Variants in CSMD2 observed in about 807,000 individuals in gnomAD.
The protein encoded by CSMD2 is CUB and Sushi multiple domains 2.
Under a neutral mutation model 398.5 loss-of-function variants are expected in CSMD2, and 130 were observed. The observed-to-expected ratio is 0.33, with a 90% CI of 0.28 to 0.38. The LOEUF is 0.38. CSMD2 is among the 10% of genes least tolerant of loss of function. CSMD2 has a pLI of 1.00. For synonymous variants in CSMD2, 1,828 were observed against 1,908.5 expected (o/e 0.96, Z 1.10); for missense variants, 3,829 against 4,764.9 (o/e 0.80, Z 5.78).
At chr1:34,026,838 T>G (rs369070651) in intron 3 of CSMD2, among the ~76,000 whole-genome samples, 3 of 152,084 alleles carry the variant, frequency 2.0e-5, no homozygotes, top group Non-Finnish European at 4.4e-5. Context: ...GTGGGGAAGA[T>G]GCAGGCTTCC....
chr1:34,147,109 T>A (rs1178843188), intron 1 of CSMD2, among the ~76,000 whole-genome samples: 2 of 151,750 alleles, frequency 1.3e-5, no homozygotes, highest in East Asian at 3.9e-4. Context: ...TACAAAAAAA[T>A]TAGCTGGGCA....
At chr1:33,885,841 T>A (rs1035323699) in intron 5 of CSMD2, among the ~76,000 whole-genome samples, 1 of 152,180 alleles carries the variant, frequency 6.6e-6, no homozygotes, top group South Asian at 2.1e-4. Context: ...GTTAAGAGCA[T>A]GGGCTTGGGA....
rs145554371 is a variant in CSMD2, at chr1:33,720,634, G to A, written c.3001+3563C>T. Reference sequence around the variant, plus strand: ...TTTTGTGTAGCTAGAACTTAGTTTAGAGGGCTCAGAATGAGGCTGAGACAG... The same window carrying A: ...TTTTGTGTAGCTAGAACTTAGTTTAAAGGGCTCAGAATGAGGCTGAGACAG... On this transcript the variant is annotated intron_variant, in intron 19 of 70. Coordinates refer to ENST00000373381, the MANE Select transcript of CSMD2 (RefSeq NM_001281956.2). Among the ~76,000 whole-genome samples, 116 of 152,358 alleles carry A rather than the reference G, an allele frequency of 7.6e-4. 1 individual carries two copies. Among genetic ancestry groups the A allele is most frequent in the African/African-American group, 2.6e-3 (110 of 41,586 alleles).
intron 12 of CSMD2, among the ~76,000 whole-genome samples, chr1:33,775,890 A>G (rs1443776237): frequency 6.6e-6 from 1 of 152,232 alleles, no homozygotes; most frequent in Non-Finnish European, 1.5e-5. Flanking sequence ...GAGTGGGGTC[A>G]CAGGAGCTTA....
At chr1:33,960,233 C>T (rs1481255332) in intron 3 of CSMD2, among the ~76,000 whole-genome samples, 1 of 152,160 alleles carries the variant, frequency 6.6e-6, no homozygotes, top group Non-Finnish European at 1.5e-5. Context: ...AGAGGCCCAC[C>T]CCCATGGGAT....
rs755317431 is a variant in CSMD2, at chr1:33,864,539, G to C, written c.921-17543C>G. On this transcript the variant is annotated intron_variant, in intron 5 of 70. Transcript: ENST00000373381. ...ATGCTCAGCTGAAGAGGGAGAACCCGAACTGGTCGGTGGTGCAGGTGGCCA... is the reference window on the plus strand; with the variant it reads ...ATGCTCAGCTGAAGAGGGAGAACCCCAACTGGTCGGTGGTGCAGGTGGCCA... The C allele has an allele frequency of 3.1e-6, 5 of 1,613,946 alleles. No individual in the cohort carries two copies. The African/African-American group carries it at 5.3e-5, about 17-fold the overall frequency.
chr1:33,891,923 T>C (rs1203377424), intron 5 of CSMD2, among the ~76,000 whole-genome samples: 1 of 134,502 alleles, frequency 7.4e-6, no homozygotes, highest in African/African-American at 2.7e-5. Context: ...GGGGGAGGGA[T>C]AGCATTAGGA....
chr1:33,583,382 C>T (rs562706323), intron 47 of CSMD2, among the ~76,000 whole-genome samples: 1 of 152,324 alleles, frequency 6.6e-6, no homozygotes, highest in Non-Finnish European at 1.5e-5. Context: ...TATCTGCTGA[C>T]ATGAACAGGA....
intron 6 of CSMD2, 103 bp from the exon 7 acceptor site, chr1:33,825,877 G>A (rs892817778): frequency 1.1e-6 from 1 of 918,876 alleles, no homozygotes; most frequent in African/African-American, 1.7e-5. Context: ...ACATTCCATG[G>A]TGGGTCAAAG....
chr1:33,789,001 C>T (rs1016612749), intron 11 of CSMD2, among the ~76,000 whole-genome samples: 5 of 152,172 alleles, frequency 3.3e-5, no homozygotes, highest in African/African-American at 7.2e-5. Flanking sequence ...TCCTTACTTG[C>T]TCAGGGGACA....
intron 15 of CSMD2, among the ~76,000 whole-genome samples, chr1:33,733,594 G>A (rs557275887): frequency 1.8e-4 from 27 of 152,216 alleles, no homozygotes; most frequent in African/African-American, 5.5e-4. Flanking sequence ...TAATCCCTGC[G>A]TGTCAAGGGC....
intron 40 of CSMD2, among the ~76,000 whole-genome samples, 195 bp from the exon 41 acceptor site, chr1:33,611,445 A>G (rs1277332039): frequency 6.6e-6 from 1 of 152,220 alleles, no homozygotes; most frequent in Admixed American, 6.5e-5. Context: ...TGAACTTAAA[A>G]GTGTATTATT....
chr1:33,741,717 T>C (rs1647074319), intron 14 of CSMD2, among the ~76,000 whole-genome samples: 1 of 152,088 alleles, frequency 6.6e-6, no homozygotes, highest in African/African-American at 2.4e-5. Context: ...TGGAAAGAAA[T>C]ACAAGTAAGA....
rs1274017728 is a variant in CSMD2, at chr1:33,557,854, T to C, written c.8623A>G (p.Arg2875Gly). Residue 2875 changes from arginine to glycine, a missense_variant, in exon 55 of 71, where the codon AGG becomes GGG. Coordinates refer to ENST00000373381, the MANE Select transcript of CSMD2 (RefSeq NM_001281956.2). ...VRQVHASGPH[R>G]FSFGTTVSYR... ...GACACAGTGGTGCCGAAGCTGAACC[T>C]GTGCGGGCCGCTGGCGTGGACCTGA... 2 of 1,536,092 alleles carry C rather than the reference T, an allele frequency of 1.3e-6. No individual in the cohort carries two copies. Among genetic ancestry groups the C allele is most frequent in the African/African-American group, 2.7e-5 (2 of 73,136 alleles).
chr1:33,992,802 G>A (rs1489519779), intron 3 of CSMD2, among the ~76,000 whole-genome samples: 4 of 151,274 alleles, frequency 2.6e-5, no homozygotes, highest in African/African-American at 9.7e-5. Context: ...GTGTGAACCC[G>A]GGAGGCAGAG....
At chr1:33,964,914 C>G (rs1170900835) in intron 3 of CSMD2, among the ~76,000 whole-genome samples, 1 of 152,210 alleles carries the variant, frequency 6.6e-6, no homozygotes, top group Non-Finnish European at 1.5e-5. Context: ...GCTCATAACA[C>G]CTCTCTAGCA....
chr1:33,602,410 G>T lies in CSMD2; in HGVS notation c.6669C>A (p.Ser2223Arg). 1.2e-6 allele frequency: 2 copies of T among 1,613,954 alleles called. No homozygotes were observed. Among genetic ancestry groups the T allele is most frequent in the South Asian group, 1.1e-5 (1 of 91,056 alleles). The change falls in exon 43 of 71, where the codon AGC becomes AGA. Residue 2223 changes from serine to arginine, a missense_variant. By Grantham distance (110) the Ser-to-Arg change is moderately radical (BLOSUM62 -1). Transcript: ENST00000373381. ...PIGHGVRLNL[S>R]LLQTEPSGDF... ...CTCCAGAGGGCTCTGTCTGCAGCAG[G>T]CTGAGGTTGAGGCGGACGCCATGGC... is the stretch of plus-strand genomic sequence containing the variant.
chr1:34,070,692 C>A (rs1039144371), intron 2 of CSMD2, among the ~76,000 whole-genome samples: 2 of 151,842 alleles, frequency 1.3e-5, no homozygotes, highest in Non-Finnish European at 2.9e-5. Flanking sequence ...TCTGCATTCC[C>A]CCACCCCCAC....
chr1:34,077,188 G>C (rs1656483995), intron 2 of CSMD2, among the ~76,000 whole-genome samples: 1 of 151,592 alleles, frequency 6.6e-6, no homozygotes, highest in Non-Finnish European at 1.5e-5. Flanking sequence ...AAAATGCAGT[G>C]AGGTCACGCC....
Sources: gnomAD v4.1 joint callset for allele counts (sites outside exome capture counted in the v4.1 genomes callset) on GRCh38, gnomAD v4.1.1 for gene constraint, MANE v1.5 for transcripts, NCBI Gene and HGNC (gene_info 2026-07-23, HGNC 2026-07-21) for gene names.